The following ZNF487 variants were observed in gnomAD, a reference collection of about 807,000 sequenced individuals.
ZNF487 encodes the protein KRAB domain only 1.
ZNF487 carries 4 observed loss-of-function variants against 3.0 expected under a neutral mutation model. The ratio of observed to expected loss-of-function variants is 1.35; its 90% CI spans 0.66 to 3.08. The LOEUF (loss-of-function observed/expected upper bound fraction) is 3.08, where lower values mean the gene tolerates loss of function less well. ZNF487 is among the 30% of genes most tolerant of loss of function. The pLI is 0.01. For synonymous variants in ZNF487, 55 were observed against 34.6 expected (o/e 1.59, Z -2.06); for missense variants, 146 against 98.7 (o/e 1.48, Z -2.03).
chr10:43,463,304 G>A (rs966030814), intron 1 of ZNF487, among the ~76,000 whole-genome samples: 13 of 151,700 alleles, frequency 8.6e-5, no homozygotes, highest in Non-Finnish European at 1.8e-4. Context: ...TTGGGAAGCC[G>A]AGGCAGGTGG....
intron 1 of ZNF487, among the ~76,000 whole-genome samples, chr10:43,451,088 A>G (rs1839991215): frequency 6.6e-6 from 1 of 151,738 alleles, no homozygotes; most frequent in South Asian, 2.1e-4. Context: ...CTGGGATTAC[A>G]GGCATGTGCC....
intron 1 of ZNF487, among the ~76,000 whole-genome samples, chr10:43,448,637 G>A (rs1249757453): frequency 2.0e-5 from 3 of 151,780 alleles, no homozygotes; most frequent in East Asian, 3.9e-4. Flanking sequence ...CCAAGATGGC[G>A]AAACCCTGTC....
intron 1 of ZNF487, among the ~76,000 whole-genome samples, chr10:43,443,458 C>A (rs1160646019): frequency 6.6e-6 from 1 of 151,114 alleles, no homozygotes; most frequent in African/African-American, 2.4e-5. Context: ...ACTGAAACCT[C>A]CCCCTACCGG....
At chr10:43,451,339 G>A (rs565641785) in intron 1 of ZNF487, among the ~76,000 whole-genome samples, 10 of 151,404 alleles carry the variant, frequency 6.6e-5, no homozygotes, top group African/African-American at 2.4e-4. Flanking sequence ...TCCACCTCCT[G>A]GATCCAAGTG....
At chr10:43,492,832 C>T in the ZNF487 span, among the ~76,000 whole-genome samples, 4 of 152,278 alleles carry the variant, frequency 2.6e-5, no homozygotes, top group South Asian at 6.2e-4. Flanking sequence ...GATCTGTCAT[C>T]TCACATAGTT....
At chr10:43,454,877 G>A (rs1007604185) in intron 1 of ZNF487, among the ~76,000 whole-genome samples, 9 of 145,382 alleles carry the variant, frequency 6.2e-5, no homozygotes, top group African/African-American at 2.3e-4. Flanking sequence ...TCACTGCTGT[G>A]CAGTGAGCCG....
rs189088882 is a variant in ZNF487 at position 43,439,431 on chromosome 10, G to A, written c.-94+2169G>A. Reference sequence around the variant, plus strand: ...AAATAAAAATAAGATGGCCGGGTGCGGTGGCTAACGCCTGTAATCCCAGCA... The same window carrying A: ...AAATAAAAATAAGATGGCCGGGTGCAGTGGCTAACGCCTGTAATCCCAGCA... On this transcript the variant is annotated intron_variant, in intron 1 of 3. Coordinates refer to ENST00000437590, the MANE Select transcript of ZNF487 (RefSeq NM_001355444.3). Among the ~76,000 whole-genome samples the A allele has an allele frequency of 2.7e-4, 41 of 152,090 alleles. No homozygotes were observed. In the South Asian group the frequency reaches 5.6e-3, roughly 21 times the overall value.
chr10:43,470,234 A>G (rs544752391), intron 1 of ZNF487, among the ~76,000 whole-genome samples: 3 of 152,014 alleles, frequency 2.0e-5, no homozygotes, highest in South Asian at 2.1e-4. Context: ...GGTTGCGGGA[A>G]CAGTGTTTTA....
chr10:43,456,115 G>A (rs904122623), intron 1 of ZNF487, among the ~76,000 whole-genome samples: 2 of 152,334 alleles, frequency 1.3e-5, no homozygotes, highest in Admixed American at 1.3e-4. Flanking sequence ...TGCGGGCCTC[G>A]TCTGAACCGT....
intron 1 of ZNF487, among the ~76,000 whole-genome samples, chr10:43,447,508 C>G (rs564655363): frequency 6.6e-4 from 101 of 152,238 alleles, no homozygotes; most frequent in Admixed American, 2.2e-3. Flanking sequence ...TCCCAAAGTG[C>G]TGGGATTACA....
At chr10:43,485,481 G>C (rs890436739), downstream of ZNF487, among the ~76,000 whole-genome samples, 3 of 152,092 alleles carry the variant, frequency 2.0e-5, no homozygotes, top group Admixed American at 6.6e-5. Flanking sequence ...GTCTAAAATT[G>C]TTCTCTTTTT....
At chr10:43,449,289 ACT>A (rs913629837) in intron 1 of ZNF487, among the ~76,000 whole-genome samples, 7 of 152,098 alleles carry the variant, frequency 4.6e-5, no homozygotes, top group East Asian at 1.9e-4. Context: ...ACAGAGCGAG[ACT>A]CTGTCTCCAA....
intron 1 of ZNF487, chr10:43,452,592 C>T (rs1369739255): frequency 6.6e-6 from 1 of 152,164 alleles, no homozygotes; most frequent in East Asian, 1.9e-4. Context: ...CTCCTGAGCT[C>T]AAGTGATCCT....
chr10:43,493,852 G>A, the ZNF487 span, among the ~76,000 whole-genome samples: 57 of 150,420 alleles, frequency 3.8e-4, no homozygotes, highest in African/African-American at 1.2e-3. Flanking sequence ...TTGTTTTGAC[G>A]TGATATGCAC....
the ZNF487 span, among the ~76,000 whole-genome samples, chr10:43,495,773 A>T: frequency 7.2e-5 from 11 of 152,240 alleles, no homozygotes; most frequent in African/African-American, 2.7e-4. Flanking sequence ...AACATAAGAC[A>T]GTTCCAGCAC....
At chr10:43,490,009 A>C in the ZNF487 span, among the ~76,000 whole-genome samples, 1 of 152,326 alleles carries the variant, frequency 6.6e-6, no homozygotes, top group East Asian at 1.9e-4. Flanking sequence ...TTTATATACT[A>C]TAGACAAGAA....
upstream of ZNF487, chr10:43,437,061 T>A: frequency 3.2e-6 from 1 of 313,982 alleles, no homozygotes. Flanking sequence ...AGCGCTGGAC[T>A]GGCGGGCGCC....
At chr10:43,465,086 C>T (rs1466677777) in intron 1 of ZNF487, among the ~76,000 whole-genome samples, 4 of 128,778 alleles carry the variant, frequency 3.1e-5, no homozygotes, top group African/African-American at 8.9e-5. Context: ...GCTGGCCGGG[C>T]GGGGGGCTGA....
At chr10:43,439,361 C>T (rs1204308112) in intron 1 of ZNF487, among the ~76,000 whole-genome samples, 4 of 152,034 alleles carry the variant, frequency 2.6e-5, no homozygotes, top group Non-Finnish European at 5.9e-5. Context: ...GATTGCACTG[C>T]TGTACTCCAC....
Sources: gnomAD v4.1 joint callset for allele counts (sites outside exome capture counted in the v4.1 genomes callset) on GRCh38, gnomAD v4.1.1 for gene constraint, MANE v1.5 for transcripts, NCBI Gene and HGNC (gene_info 2026-07-23, HGNC 2026-07-21) for gene names.